The following CEP128 variants were observed in gnomAD, a reference collection of about 807,000 sequenced individuals.
CEP128 encodes the protein centrosomal protein 128kDa.
A neutral mutation model predicts 156.7 loss-of-function variants in CEP128; 132 were observed. That is an observed-to-expected ratio of 0.84 (90% CI 0.73 to 0.97). The LOEUF is 0.97. CEP128 is among the 50% of genes least tolerant of loss of function. The probability of loss-of-function intolerance (pLI) is 0.00; values close to 1 mark genes in which losing one functional copy is unlikely to be tolerated. For missense variants in CEP128, 1,252 were observed against 1,281.9 expected, an observed-to-expected ratio of 0.98 and a Z score of 0.36; for synonymous variants, 469 against 448.9, an observed-to-expected ratio of 1.04 and a Z score of -0.57.
In CEP128 at chr14:80,661,074, C is replaced by T. The variant is rs766891630; in HGVS notation, c.2807-80651G>A. Among the ~76,000 whole-genome samples the T allele has an allele frequency of 1.8e-3, 276 of 152,252 alleles. 1 individual carries two copies. Among genetic ancestry groups the T allele is most frequent in the Non-Finnish European group, 1.9e-3 (126 of 68,028 alleles). On this transcript the variant is annotated intron_variant, in intron 19 of 24. Transcript: ENST00000555265. The stretch of plus-strand genomic sequence containing the variant: ...CATAGTAACCCAGCGTCACTGAAGA[C>T]GTCATTGCTGAATAAAAGTTCATTT...
chr14:80,532,060 T>C (rs1889251798), intron 21 of CEP128, among the ~76,000 whole-genome samples: 2 of 152,190 alleles, frequency 1.3e-5, no homozygotes, highest in Admixed American at 1.3e-4. Flanking sequence ...CAGAGTTAGT[T>C]ATCAATGCAT....
At chr14:80,601,568 G>A (rs1892583244) in intron 19 of CEP128, among the ~76,000 whole-genome samples, 1 of 152,142 alleles carries the variant, frequency 6.6e-6, no homozygotes, top group African/African-American at 2.4e-5. Flanking sequence ...CACAAACCTA[G>A]ATGGTATAGC....
chr14:80,910,603 A>G (rs1884152484), intron 4 of CEP128, among the ~76,000 whole-genome samples: 1 of 152,112 alleles, frequency 6.6e-6, no homozygotes, highest in African/African-American at 2.4e-5. Context: ...CATGCTTCCT[A>G]TACAGCCTGT....
chr14:80,594,622 TAAGAAAAAA>T (rs1368277888), intron 19 of CEP128, among the ~76,000 whole-genome samples: 1 of 151,544 alleles, frequency 6.6e-6, no homozygotes, highest in Non-Finnish European at 1.5e-5. Context: ...AACAAATTTA[TAAGAAAAAA>T]ACAAACAACC....
downstream of CEP128, among the ~76,000 whole-genome samples, chr14:80,488,794 C>T (rs1351714814): frequency 4.7e-5 from 6 of 128,676 alleles, no homozygotes; most frequent in Non-Finnish European, 8.8e-5. Flanking sequence ...CCATGGAATA[C>T]TATGCAGCCA....
At chr14:80,847,542 T>C (rs1226345236) in intron 9 of CEP128, among the ~76,000 whole-genome samples, 1 of 152,218 alleles carries the variant, frequency 6.6e-6, no homozygotes, top group Non-Finnish European at 1.5e-5. Context: ...TCAAAATTTA[T>C]ATAAGTGTTT....
chr14:80,618,563 T>G (rs954668855), intron 19 of CEP128, among the ~76,000 whole-genome samples: 1 of 152,214 alleles, frequency 6.6e-6, no homozygotes, highest in African/African-American at 2.4e-5. Context: ...AAACAAGTTA[T>G]TGCTGCAGTA....
intron 19 of CEP128, among the ~76,000 whole-genome samples, chr14:80,682,252 T>TA (rs1216812460): frequency 6.6e-6 from 1 of 152,120 alleles, no homozygotes; most frequent in South Asian, 2.1e-4. Context: ...ATAAGCATCT[T>TA]AAAAAACAAT....
At chr14:80,494,704 G>A (rs1305453611), downstream of CEP128, among the ~76,000 whole-genome samples, 5 of 152,116 alleles carry the variant, frequency 3.3e-5, no homozygotes, top group Non-Finnish European at 7.4e-5. Flanking sequence ...ATGAAGAAAA[G>A]TAGGTTCATT....
rs1274037284 is a variant in CEP128 at position 80,954,305 on chromosome 14, GT to G, written c.-172+3872del. Among the ~76,000 whole-genome samples the G allele has an allele frequency of 3.3e-5, 5 of 152,064 alleles. No homozygotes were observed. In the East Asian group the frequency reaches 9.6e-4, roughly 29 times the overall value. ...AAAAAAGAAAAGAAAATTTGTGCAT[GT>G]TGTATCAGCAGTTCATTCATTTTTA... On this transcript the variant is annotated intron_variant, in intron 2 of 7. Coordinates refer to the CEP128 transcript ENST00000555529.
chr14:80,649,974 GGGA>G (rs1894829157), intron 19 of CEP128, among the ~76,000 whole-genome samples: 1 of 152,108 alleles, frequency 6.6e-6, no homozygotes, highest in Admixed American at 6.5e-5. Context: ...TAGCTGGATG[GGGA>G]TAGCACTGAA....
intron 19 of CEP128, among the ~76,000 whole-genome samples, chr14:80,623,816 A>C (rs928350819): frequency 6.6e-6 from 1 of 152,162 alleles, no homozygotes; most frequent in Non-Finnish European, 1.5e-5. Context: ...ATAATTGTAC[A>C]CATTTATGGG....
At chr14:80,874,959 A>G (rs902893726) in intron 8 of CEP128, among the ~76,000 whole-genome samples, 2 of 152,224 alleles carry the variant, frequency 1.3e-5, no homozygotes, top group Non-Finnish European at 2.9e-5. Context: ...TTAAAAAGTA[A>G]TAAGGAAATA....
chr14:80,557,862 T>A (rs1394086696), intron 21 of CEP128, among the ~76,000 whole-genome samples: 3 of 152,194 alleles, frequency 2.0e-5, no homozygotes, highest in African/African-American at 7.2e-5. Flanking sequence ...AAAAAATCAC[T>A]ACGACTAAGA....
In CEP128 at chr14:80,670,006, A is replaced by G. The variant is rs183222414; in HGVS notation, c.2806+73069T>C. 4.2e-4 allele frequency among the ~76,000 whole-genome samples: 64 copies of G among 152,260 alleles called. 2 individuals carry two copies. The highest frequency in any genetic ancestry group is 3.8e-3 in the Admixed American group (58 of 15,298). On this transcript the variant is annotated intron_variant, in intron 19 of 24. Transcript: ENST00000555265. ...AGGTGAAGGGGGAGCTGGCACATTCATGCCAAAAGCAGGAGCAAGAGAGAG... is the reference window on the plus strand; with the variant it reads ...AGGTGAAGGGGGAGCTGGCACATTCGTGCCAAAAGCAGGAGCAAGAGAGAG...
At chr14:80,526,773 G>C in intron 23 of CEP128, 96 bp downstream of exon 23, 1 of 588,326 alleles carries the variant, frequency 1.7e-6, no homozygotes. Context: ...TCTTTCACAA[G>C]TGCCCTTACA....
chr14:80,633,404 T>C (rs1894047338), intron 19 of CEP128, among the ~76,000 whole-genome samples: 1 of 152,212 alleles, frequency 6.6e-6, no homozygotes, highest in Non-Finnish European at 1.5e-5. Context: ...TCACTCACAG[T>C]GGCCCCATGA....
chr14:80,769,407 T>C (rs1310089418), intron 16 of CEP128, among the ~76,000 whole-genome samples: 1 of 152,138 alleles, frequency 6.6e-6, no homozygotes, highest in Non-Finnish European at 1.5e-5. Context: ...TAGGTATATC[T>C]CCTAATGCTA....
intron 13 of CEP128, among the ~76,000 whole-genome samples, chr14:80,816,754 A>G (rs1884883137): frequency 6.6e-6 from 1 of 152,198 alleles, no homozygotes; most frequent in South Asian, 2.1e-4. Context: ...CTGGAGAGTG[A>G]TCAGCTAAGA....
Sources: allele counts gnomAD v4.1 joint callset (sites outside exome capture counted in the v4.1 genomes callset), GRCh38; gene constraint gnomAD v4.1.1; transcripts MANE v1.5; gene names NCBI Gene and HGNC (gene_info 2026-07-23, HGNC 2026-07-21).